Variants in IMPG1 observed in about 807,000 individuals in gnomAD.
IMPG1 encodes the protein interphotoreceptor matrix proteoglycan 1.
In IMPG1, 85 loss-of-function variants were observed where a neutral mutation model predicts 92.0. The ratio of observed to expected loss-of-function variants is 0.92; its 90% CI spans 0.78 to 1.11. The LOEUF is 1.11. Among genes scored for constraint, IMPG1 ranks in the 50% least tolerant of loss-of-function variants. The pLI is 0.00. For missense variants in IMPG1, 1,022 were observed against 956.0 expected, an observed-to-expected ratio of 1.07 and a Z score of -0.91; for synonymous variants, 367 against 334.1, an observed-to-expected ratio of 1.10 and a Z score of -1.08.
At chr6:75,970,415 A>G (rs1356771932) in intron 12 of IMPG1, among the ~76,000 whole-genome samples, 1 of 151,988 alleles carries the variant, frequency 6.6e-6, no homozygotes, top group African/African-American at 2.4e-5. Context: ...ACTTTCCCTC[A>G]CTAAACAAAC....
intron 7 of IMPG1, among the ~76,000 whole-genome samples, chr6:76,015,018 C>T (rs572035779): frequency 1.3e-5 from 2 of 152,268 alleles, no homozygotes; most frequent in East Asian, 3.9e-4. Context: ...TAATTAAGTG[C>T]CCAGTTAACC....
At chr6:76,018,998 A>G in intron 6 of IMPG1, 140 bp from the exon 7 acceptor site, 1 of 721,526 alleles carries the variant, frequency 1.4e-6, no homozygotes, top group Non-Finnish European at 2.1e-6. Flanking sequence ...CCTTTTAACT[A>G]GAACTTAGAG....
At chr6:75,934,833 C>T in intron 14 of IMPG1, 1 of 404,518 alleles carries the variant, frequency 2.5e-6, no homozygotes, top group Non-Finnish European at 5.3e-6. Flanking sequence ...CTGCTCTTGC[C>T]GCATGTCCTA....
chr6:75,974,428 G>GCCTCCTTCCTTCCTTC lies in IMPG1; in HGVS notation c.1292-23335_1292-23334insGAAGGAAGGAAGGAGG, dbSNP rs1782497573. 3.1e-5 allele frequency among the ~76,000 whole-genome samples: 3 copies of GCCTCCTTCCTTCCTTC among 96,314 alleles called. No homozygotes were observed. The South Asian group carries it at 1.2e-3, about 37-fold the overall frequency. The allele number at this position is 96,314 out of a possible 152,430, so 63.2% of individuals were successfully genotyped here. On this transcript the variant is annotated intron_variant, in intron 12 of 16. Coordinates refer to ENST00000369950, the MANE Select transcript of IMPG1 (RefSeq NM_001563.4). ...TCCTTCCTTCCTTCCTTCCTTCCTT[G>GCCTCCTTCCTTCCTTC]CTTCCTTCCTTCCTTCCTTCCTTCT...
Position 76,022,120 on chromosome 6 carries a change from G to T in IMPG1, c.662C>A (p.Thr221Lys). 1 of 1,557,040 alleles carries T rather than the reference G, an allele frequency of 6.4e-7. No individual in the cohort carries two copies. The highest frequency in any genetic ancestry group is 8.8e-7 in the Non-Finnish European group (1 of 1,133,892). The change falls in exon 6 of 17, where the codon ACA (threonine) becomes AAA (lysine). Residue 221 changes from threonine to lysine, a missense_variant. Transcript: ENST00000369950. Reference sequence around the variant, plus strand: ...TCAACTCTAGGAACTTCTTACTGTTGTAGGCATCTTGGTGTCGTTGAGTGT... The same window carrying T: ...TCAACTCTAGGAACTTCTTACTGTTTTAGGCATCTTGGTGTCGTTGAGTGT... ...DNTLNDTKMP[T>K]TERETEFAVL...
chr6:75,921,277 AGTTGGT>A lies in IMPG1; in HGVS notation c.*806_*811del, dbSNP rs1393050694. 3.9e-5 allele frequency: 6 copies of A among 152,190 alleles called. No individual in the cohort carries two copies. The highest frequency in any genetic ancestry group is 1.4e-4 in the African/African-American group (6 of 41,450). The allele number at this position is 152,190 out of a possible 1,614,324, so 9.4% of individuals were successfully genotyped here. A position where few individuals can be genotyped will look rare whatever the true frequency, so the allele number is the denominator to read the frequency against. ...GCCAGTCTAGGTATACACACACTAA[AGTTGGT>A]GTGAGGAAATATTCTGAAGTTATTA... On this transcript the variant is annotated 3_prime_UTR_variant, in exon 17 of 17. Coordinates refer to ENST00000369950, the MANE Select transcript of IMPG1 (RefSeq NM_001563.4).
At chr6:75,995,498 A>G (rs1431426193) in intron 12 of IMPG1, among the ~76,000 whole-genome samples, 2 of 152,232 alleles carry the variant, frequency 1.3e-5, no homozygotes, top group East Asian at 1.9e-4. Context: ...TCTGCTGAAA[A>G]TACCCTTCAC....
intron 14 of IMPG1, chr6:75,934,972 G>T: frequency 4.2e-6 from 2 of 471,496 alleles, no homozygotes; most frequent in Non-Finnish European, 8.8e-6. Flanking sequence ...CTGTCCAAGG[G>T]CAAGGTTTCA....
At chr6:76,032,066 T>C (rs114721469) in intron 4 of IMPG1, among the ~76,000 whole-genome samples, 77 of 152,340 alleles carry the variant, frequency 5.1e-4, no homozygotes, top group African/African-American at 1.8e-3. Context: ...TAAAAGATAA[T>C]TTCTTTTCTT....
intron 14 of IMPG1, among the ~76,000 whole-genome samples, chr6:75,941,045 C>CA (rs1189240587): frequency 6.6e-6 from 1 of 152,204 alleles, no homozygotes; most frequent in African/African-American, 2.4e-5. Flanking sequence ...CAGTATTTAA[C>CA]AGACTCTATT....
At position 75,922,180 on chromosome 6, in the gene IMPG1, A is replaced by C; in HGVS notation, c.2317-14T>G. The C allele has an allele frequency of 8.6e-7, 1 of 1,157,294 alleles. No individual in the cohort carries two copies. Among genetic ancestry groups the C allele is most frequent in the Non-Finnish European group, 1.3e-6 (1 of 783,960 alleles). 71.7% of individuals were successfully genotyped at this position (1,157,294 alleles called of 1,614,324 possible). A position where few individuals can be genotyped will look rare whatever the true frequency, so the allele number is the denominator to read the frequency against. On this transcript the variant is annotated splice_polypyrimidine_tract_variant and intron_variant, in intron 16 of 16. Transcript: ENST00000369950. ...TTTACTGATTACCTGAAAGAGAAAT[A>C]GTTTTAAGAACTTAAGAAATGCCAC... is the stretch of plus-strand genomic sequence containing the variant.
At chr6:75,998,131 G>A (rs186497456) in intron 12 of IMPG1, among the ~76,000 whole-genome samples, 24 of 152,258 alleles carry the variant, frequency 1.6e-4, no homozygotes, top group African/African-American at 5.5e-4. Flanking sequence ...CAGAACTGAT[G>A]GCCAAATACT....
intron 1 of IMPG1, among the ~76,000 whole-genome samples, chr6:76,062,090 T>C (rs1345071204): frequency 6.6e-6 from 1 of 152,154 alleles, no homozygotes; most frequent in African/African-American, 2.4e-5. Flanking sequence ...TTCTGTAGAA[T>C]CAAATTGGTA....
intron 10 of IMPG1, 118 bp downstream of exon 10, chr6:76,005,169 C>T: frequency 1.0e-6 from 1 of 974,842 alleles, no homozygotes; most frequent in Non-Finnish European, 1.6e-6. Context: ...GTATTCCTGT[C>T]ACAGTAATGA....
At chr6:76,016,033 C>T (rs745731441) in intron 7 of IMPG1, among the ~76,000 whole-genome samples, 6 of 151,854 alleles carry the variant, frequency 4.0e-5, no homozygotes. Flanking sequence ...TTACCTCTTA[C>T]AAAAAGAGGA....
intron 1 of IMPG1, among the ~76,000 whole-genome samples, chr6:76,048,347 C>T (rs1783980252): frequency 6.6e-6 from 1 of 152,192 alleles, no homozygotes; most frequent in South Asian, 2.1e-4. Context: ...TACCTTCTTG[C>T]TGATTCTTTC....
rs1414225724 is a variant in IMPG1, at chr6:75,924,600, TAATTA to T, written c.2244-899_2244-895del. On this transcript the variant is annotated intron_variant, in intron 15 of 16. Transcript: ENST00000369950. ...AATTAATATAATTATATATTATATA[TAATTA>T]ATTATATATAATATATAATAAATTA... Among the ~76,000 whole-genome samples, 182 of 36,370 alleles carry T rather than the reference TAATTA, an allele frequency of 5.0e-3. 15 individuals carry two copies. Among genetic ancestry groups the T allele is most frequent in the African/African-American group, 0.017 (175 of 10,512 alleles). 23.9% of individuals were successfully genotyped at this position (36,370 alleles called of 152,430 possible).
intron 12 of IMPG1, among the ~76,000 whole-genome samples, chr6:75,991,160 A>C (rs778288067): frequency 3.3e-5 from 5 of 152,166 alleles, no homozygotes; most frequent in Non-Finnish European, 5.9e-5. Context: ...TGGGAGGCCG[A>C]GGTGGGCAGA....
At chr6:75,944,768 G>A (rs760669404) in intron 14 of IMPG1, among the ~76,000 whole-genome samples, 1 of 152,214 alleles carries the variant, frequency 6.6e-6, no homozygotes, top group Admixed American at 6.5e-5. Flanking sequence ...ACATTCAACA[G>A]CTTTCATTCA....
Sources: allele counts gnomAD v4.1 joint callset (sites outside exome capture counted in the v4.1 genomes callset), GRCh38; gene constraint gnomAD v4.1.1; transcripts MANE v1.5; gene names NCBI Gene and HGNC (gene_info 2026-07-23, HGNC 2026-07-21).